Variants in ZNF197 observed in about 807,000 individuals in gnomAD.
ZNF197 encodes the protein zinc finger protein 197.
ZNF197 carries 14 observed loss-of-function variants against 27.4 expected under a neutral mutation model. The ratio of observed to expected loss-of-function variants is 0.51; its 90% CI spans 0.34 to 0.80. The LOEUF is 0.80. Ranked by LOEUF, ZNF197 falls within the 30% of genes least tolerant of loss-of-function variation. The probability of loss-of-function intolerance (pLI) is 0.02; values close to 1 mark genes in which losing one functional copy is unlikely to be tolerated. For synonymous variants in ZNF197, 415 were observed against 420.0 expected, an observed-to-expected ratio of 0.99 and a Z score of 0.15; for missense variants, 1,090 against 1,222.6, an observed-to-expected ratio of 0.89 and a Z score of 1.62.
intron 5 of ZNF197, among the ~76,000 whole-genome samples, chr3:44,636,385 C>T (rs1215561528): frequency 6.6e-6 from 1 of 151,990 alleles, no homozygotes; most frequent in Non-Finnish European, 1.5e-5. Flanking sequence ...TTTCACCTAA[C>T]TCATTCCTCC....
Position 44,644,146 on chromosome 3 carries a change from A to C in ZNF197, c.3016A>C (p.Lys1006Gln), listed in dbSNP as rs768510972. 10 of 1,613,896 alleles carry C rather than the reference A, an allele frequency of 6.2e-6. No homozygotes were observed. In the African/African-American group the frequency reaches 1.3e-4, roughly 22 times the overall value. Reference protein sequence around the residue: ...SQTSNLHLQQKIHTIEEFSWL... With the variant: ...SQTSNLHLQQQIHTIEEFSWL... ...GACTTCCAACCTTCATCTTCAACAG[A>C]AAATCCATACCATTGAGGAATTCTC... Residue 1006 changes from lysine (K) to glutamine (Q), a missense_variant, in exon 6 of 6, where the codon AAA becomes CAA. By Grantham distance (53) the Lys-to-Gln change is moderately conservative. Coordinates refer to ENST00000344387, the MANE Select transcript of ZNF197 (RefSeq NM_006991.5).
At chr3:44,633,426 C>T (rs949241790) in intron 5 of ZNF197, among the ~76,000 whole-genome samples, 5 of 152,088 alleles carry the variant, frequency 3.3e-5, no homozygotes, top group African/African-American at 1.2e-4. Flanking sequence ...ATAATTGGTA[C>T]AAGAGTGGCA....
chr3:44,642,532 G>A lies in ZNF197; in HGVS notation c.1402G>A (p.Gly468Ser). 1.2e-6 allele frequency: 2 copies of A among 1,613,438 alleles called. No individual in the cohort carries two copies. The highest frequency in any genetic ancestry group is 4.5e-5 in the East Asian group (2 of 44,848). ...TGGAAAGGGCTTCTATAGGCACTCA[G>A]GCCTAATTATACATCTAAGGCGCCA... ...ECGKGFYRHSGLIIHLRRHSG... is the reference protein window; with the variant it reads ...ECGKGFYRHSSLIIHLRRHSG... Residue 468 changes from glycine to serine, a missense_variant, in exon 6 of 6, where the codon GGC (glycine) becomes AGC (serine). Physicochemically the swap from Gly to Ser is moderately conservative, Grantham distance 56 (BLOSUM62 0). Transcript: ENST00000344387.
Position 44,644,767 on chromosome 3 carries a change from C to T in ZNF197, c.*547C>T, listed in dbSNP as rs1043265543. On this transcript the variant is annotated 3_prime_UTR_variant, in exon 6 of 6. Coordinates refer to ENST00000344387, the MANE Select transcript of ZNF197 (RefSeq NM_006991.5). ...GGGTGCAGTGGCTCACTCCTGTAGT[C>T]CCAGGACTTTGGGAGGCCGAGGTGG... is the stretch of plus-strand genomic sequence containing the variant. The T allele has an allele frequency of 4.1e-6, 4 of 985,396 alleles. No homozygotes were observed. Among genetic ancestry groups the T allele is most frequent in the African/African-American group, 3.5e-5 (2 of 57,338 alleles). 61.0% of individuals were successfully genotyped at this position (985,396 alleles called of 1,614,324 possible).
In ZNF197 at chr3:44,647,329, GAAAC is replaced by G. The variant is rs1703012164; in HGVS notation, c.*3111_*3114del. The G allele has an allele frequency of 6.6e-6, 1 of 151,756 alleles. No homozygotes were observed. The highest frequency in any genetic ancestry group is 1.5e-5 in the Non-Finnish European group (1 of 67,966). 9.4% of individuals were successfully genotyped at this position (151,756 alleles called of 1,614,324 possible). A position where few individuals can be genotyped will look rare whatever the true frequency, so the allele number is the denominator to read the frequency against. On this transcript the variant is annotated 3_prime_UTR_variant, in exon 6 of 6. Transcript: ENST00000344387. ...TGGTAACTGCTGGCAAGGATGAAGA[GAAAC>G]AGGATCTCATACATTGCTGGGAATG... is the stretch of plus-strand genomic sequence containing the variant.
chr3:44,644,684 A>T lies in ZNF197; in HGVS notation c.*464A>T. On this transcript the variant is annotated 3_prime_UTR_variant, in exon 6 of 6. Transcript: ENST00000344387. ...CAACTTTCAAGTCTACAAAAACATAATCCAAATCTAATAACATAGTTGTAA... is the reference window on the plus strand; with the variant it reads ...CAACTTTCAAGTCTACAAAAACATATTCCAAATCTAATAACATAGTTGTAA... The T allele has an allele frequency of 6.1e-6, 6 of 986,936 alleles. No individual in the cohort carries two copies. The highest frequency in any genetic ancestry group is 7.2e-6 in the Non-Finnish European group (6 of 831,142). 61.1% of individuals were successfully genotyped at this position (986,936 alleles called of 1,614,324 possible). A position where few individuals can be genotyped will look rare whatever the true frequency, so the allele number is the denominator to read the frequency against.
chr3:44,645,753 A>C lies in ZNF197; in HGVS notation c.*1533A>C, dbSNP rs192612764. 2.9e-4 allele frequency: 281 copies of C among 985,424 alleles called. No individual in the cohort carries two copies. Among genetic ancestry groups the C allele is most frequent in the Non-Finnish European group, 3.0e-4 (247 of 829,934 alleles). The allele number at this position is 985,424 out of a possible 1,614,324, so 61.0% of individuals were successfully genotyped here. A position where few individuals can be genotyped will look rare whatever the true frequency, so the allele number is the denominator to read the frequency against. ...AAACAACATTCTGTCCCAGCACTAAATTTACTGGGACATAAATTTTTCACA... is the reference window on the plus strand; with the variant it reads ...AAACAACATTCTGTCCCAGCACTAACTTTACTGGGACATAAATTTTTCACA... On this transcript the variant is annotated 3_prime_UTR_variant, in exon 6 of 6. Transcript: ENST00000344387.
Position 44,642,318 on chromosome 3 carries a change from A to G in ZNF197, c.1188A>G (p.Lys396=). ...ATCGGAGAATCCACACTGGTGAGAA[A>G]CCTCATAAATGTAAGGAATGTGGAA... is the stretch of plus-strand genomic sequence containing the variant. ...INHRRIHTGE[K]PHKCKECGKG... The change falls in exon 6 of 6, where the codon AAA becomes AAG. Residue 396 remains lysine, a synonymous_variant. Transcript: ENST00000344387. The G allele has an allele frequency of 6.2e-7, 1 of 1,614,178 alleles. No homozygotes were observed. Among genetic ancestry groups the G allele is most frequent in the Non-Finnish European group, 8.5e-7 (1 of 1,180,018 alleles).
intron 5 of ZNF197, among the ~76,000 whole-genome samples, chr3:44,633,466 C>T (rs982290329): frequency 2.0e-5 from 3 of 152,034 alleles, no homozygotes; most frequent in Admixed American, 6.6e-5. Flanking sequence ...ATGCAGAAAA[C>T]GGGGCAATCA....
chr3:44,631,971 G>A (rs1702037281), intron 3 of ZNF197, 134 bp from the exon 4 acceptor site: 1 of 799,684 alleles, frequency 1.3e-6, no homozygotes, highest in African/African-American at 1.7e-5. Context: ...AAAGCTCTGG[G>A]ATTACAGGTG....
intron 2 of ZNF197, among the ~76,000 whole-genome samples, chr3:44,630,600 A>G (rs1701933420): frequency 6.6e-6 from 1 of 152,226 alleles, no homozygotes; most frequent in African/African-American, 2.4e-5. Context: ...ACTGAGGCAG[A>G]TGTCTAGCTG....
chr3:44,632,250 G>A (rs1702056506), intron 4 of ZNF197, 54 bp downstream of exon 4: 1 of 1,593,804 alleles, frequency 6.3e-7, no homozygotes, highest in Non-Finnish European at 8.6e-7. Flanking sequence ...TGTGGCTGAA[G>A]TGCCCTCTCT....
intron 5 of ZNF197, among the ~76,000 whole-genome samples, chr3:44,635,571 G>C (rs1196512337): frequency 6.6e-6 from 1 of 152,176 alleles, no homozygotes; most frequent in Non-Finnish European, 1.5e-5. Context: ...TGGTAGAAAA[G>C]TAGACTCCCA....
intron 5 of ZNF197, among the ~76,000 whole-genome samples, chr3:44,641,147 G>C (rs188600582): frequency 1.2e-3 from 184 of 152,226 alleles, no homozygotes; most frequent in African/African-American, 4.4e-3. Flanking sequence ...TGAGAATATT[G>C]GAGTAGATAG....
Position 44,643,356 on chromosome 3 carries a change from T to C in ZNF197, c.2226T>C (p.Ala742=), listed in dbSNP as rs1295581657. The change falls in exon 6 of 6, where the codon GCT becomes GCC. Residue 742 remains alanine, a synonymous_variant. Coordinates refer to ENST00000344387, the MANE Select transcript of ZNF197 (RefSeq NM_006991.5). ...ACAAATGTGAGGATTGTGGGAAGGC[T>C]TTCAGTTACAATTCAAGCCTGCTTG... The part of the protein sequence containing the change: ...KAYKCEDCGK[A]FSYNSSLLVH... 2 of 1,614,110 alleles carry C rather than the reference T, an allele frequency of 1.2e-6. No individual in the cohort carries two copies. The highest frequency in any genetic ancestry group is 3.3e-5 in the Admixed American group (2 of 60,016).
rs77059419 is a variant in ZNF197, at chr3:44,636,654, T to C, written c.769+4055T>C. ...TTAGGTACTTCCGCTTTTGGTCCAT[T>C]ATGAATAATGCTGCTATGAACGTTT... On this transcript the variant is annotated intron_variant, in intron 5 of 5. Coordinates refer to ENST00000344387, the MANE Select transcript of ZNF197 (RefSeq NM_006991.5). Among the ~76,000 whole-genome samples, 1,340 of 152,340 alleles carry C rather than the reference T, an allele frequency of 8.8e-3. 21 individuals carry two copies. The highest frequency in any genetic ancestry group is 0.031 in the African/African-American group (1,282 of 41,572).
At position 44,642,437 on chromosome 3, in the gene ZNF197, C is replaced by T; in HGVS notation, c.1307C>T (p.Ser436Phe). 1.9e-6 allele frequency: 3 copies of T among 1,613,964 alleles called. No individual in the cohort carries two copies. The Middle Eastern group carries it at 4.9e-4, about 266-fold the overall frequency. ...TGTAATGAATGTGGGAAAGCATTTT[C>T]TCAAAGTGCTTACCTTCTAAACCAT... ...YKCNECGKAF[S>F]QSAYLLNHQR... Residue 436 changes from serine (S) to phenylalanine (F), a missense_variant, in exon 6 of 6, where the codon TCT becomes TTT. Physicochemically the swap from Ser to Phe is radical, Grantham distance 155 (BLOSUM62 -2). Transcript: ENST00000344387.
chr3:44,638,535 CT>C (rs1421060770), intron 5 of ZNF197, among the ~76,000 whole-genome samples: 8 of 152,140 alleles, frequency 5.3e-5, no homozygotes, highest in African/African-American at 1.9e-4. Flanking sequence ...GATAATTTTA[CT>C]TCTTCCTTTA....
At chr3:44,630,607 G>T (rs2125797201) in intron 2 of ZNF197, among the ~76,000 whole-genome samples, 1 of 152,302 alleles carries the variant, frequency 6.6e-6, no homozygotes, top group Non-Finnish European at 1.5e-5. Context: ...CAGATGTCTA[G>T]CTGGCCGCAA....
Sources: allele counts gnomAD v4.1 joint callset (sites outside exome capture counted in the v4.1 genomes callset), GRCh38; gene constraint gnomAD v4.1.1; transcripts MANE v1.5; gene names NCBI Gene and HGNC (gene_info 2026-07-23, HGNC 2026-07-21).